N4BP2L1: variants seen among roughly 807,000 people sequenced by gnomAD.
The protein encoded by N4BP2L1 is NEDD4 binding protein 2 like 1, also known as NEDD4-binding protein 2-like 1.
N4BP2L1 carries 12 observed loss-of-function variants against 21.2 expected under a neutral mutation model. That is an observed-to-expected ratio of 0.57 (90% CI 0.36 to 0.92). The LOEUF (loss-of-function observed/expected upper bound fraction) is 0.92, where lower values mean the gene tolerates loss of function less well. Ranked by LOEUF, N4BP2L1 falls within the 40% of genes least tolerant of loss-of-function variation. N4BP2L1 has a pLI of 0.01. For synonymous variants in N4BP2L1, 104 were observed against 112.8 expected (o/e 0.92, Z 0.49); for missense variants, 259 against 310.6 (o/e 0.83, Z 1.25).
Position 32,407,777 on chromosome 13 carries a change from A to G in N4BP2L1, c.180-5T>C. The stretch of plus-strand genomic sequence containing the variant: ...GGAAAGTCATGCTGCAATTGTCTGG[A>G]AAGTGGAGAAATGAGAGAGAGAGAT... On this transcript the variant is annotated splice_region_variant and splice_polypyrimidine_tract_variant and intron_variant, in intron 1 of 4. Coordinates refer to ENST00000380130, the MANE Select transcript of N4BP2L1 (RefSeq NM_052818.3). 6.3e-7 allele frequency: 1 copy of G among 1,576,936 alleles called. No individual in the cohort carries two copies. Among genetic ancestry groups the G allele is most frequent in the Non-Finnish European group, 8.6e-7 (1 of 1,165,504 alleles).
chr13:32,412,124 C>T (rs903366928), intron 1 of N4BP2L1, among the ~76,000 whole-genome samples: 1 of 151,932 alleles, frequency 6.6e-6, no homozygotes, highest in Non-Finnish European at 1.5e-5. Flanking sequence ...TCCCTTAAGT[C>T]TCATTTATCC....
intron 1 of N4BP2L1, among the ~76,000 whole-genome samples, chr13:32,427,289 C>T (rs762063826): frequency 2.0e-5 from 3 of 152,210 alleles, no homozygotes; most frequent in Non-Finnish European, 4.4e-5. Flanking sequence ...GCAGGCTCCC[C>T]GACTTCGCCA....
chr13:32,418,353 G>A (rs973940303), intron 1 of N4BP2L1, among the ~76,000 whole-genome samples: 3 of 152,216 alleles, frequency 2.0e-5, no homozygotes, highest in Non-Finnish European at 2.9e-5. Flanking sequence ...TGGGCCTGTG[G>A]GTGCACAGAA....
chr13:32,404,428 A>G (rs774777506), intron 3 of N4BP2L1, 31 bp from the exon 4 acceptor site: 2 of 1,476,766 alleles, frequency 1.4e-6, no homozygotes, highest in South Asian at 2.3e-5. Flanking sequence ...AAAACATTGA[A>G]GACATAGTAT....
intron 4 of N4BP2L1, chr13:32,403,784 C>A (rs755712577): frequency 1.9e-6 from 1 of 532,928 alleles, no homozygotes; most frequent in Admixed American, 2.0e-5. Flanking sequence ...GAGGAACCAG[C>A]CTTACTCCTA....
intron 1 of N4BP2L1, among the ~76,000 whole-genome samples, chr13:32,427,592 C>T (rs2074855989): frequency 6.6e-6 from 1 of 152,146 alleles, no homozygotes; most frequent in African/African-American, 2.4e-5. Flanking sequence ...CTGGGGCTTG[C>T]GCGAGGCGCA....
chr13:32,406,030 G>A (rs1483333357), intron 3 of N4BP2L1, among the ~76,000 whole-genome samples: 2 of 149,640 alleles, frequency 1.3e-5, no homozygotes, highest in Non-Finnish European at 3.0e-5. Context: ...AGACTCCCCA[G>A]TAGCTGGGAC....
intron 3 of N4BP2L1, 77 bp from the exon 4 acceptor site, chr13:32,404,474 T>G: frequency 1.0e-6 from 1 of 990,576 alleles, no homozygotes; most frequent in Non-Finnish European, 1.5e-6. Flanking sequence ...CATTTAACAT[T>G]TACTACAAAT....
intron 1 of N4BP2L1, among the ~76,000 whole-genome samples, chr13:32,408,340 T>G (rs553698386): frequency 2.0e-5 from 3 of 152,246 alleles, no homozygotes; most frequent in Admixed American, 2.0e-4. Context: ...CATATTTATG[T>G]TTTAATGATG....
At chr13:32,412,641 C>CAAA (rs777196869) in intron 1 of N4BP2L1, among the ~76,000 whole-genome samples, 2 of 101,036 alleles carry the variant, frequency 2.0e-5, no homozygotes, top group African/African-American at 3.9e-5. Flanking sequence ...TCAACTGTCT[C>CAAA]AAAAAAAAAA....
chr13:32,419,701 C>T (rs1222283459), intron 1 of N4BP2L1, among the ~76,000 whole-genome samples: 1 of 152,098 alleles, frequency 6.6e-6, no homozygotes, highest in African/African-American at 2.4e-5. Context: ...CCTCCCCGGC[C>T]ATGCTGAACT....
At chr13:32,411,322 GGAT>G (rs2073844023) in intron 1 of N4BP2L1, among the ~76,000 whole-genome samples, 1 of 93,376 alleles carries the variant, frequency 1.1e-5, no homozygotes, top group South Asian at 3.8e-4. Context: ...TTAAGGCCAA[GGAT>G]TTTTTTTTTT....
At chr13:32,412,078 C>T (rs1377435212) in intron 1 of N4BP2L1, among the ~76,000 whole-genome samples, 1 of 151,982 alleles carries the variant, frequency 6.6e-6, no homozygotes, top group African/African-American at 2.4e-5. Context: ...GCAACAGGGA[C>T]CAAACAAGAT....
intron 1 of N4BP2L1, among the ~76,000 whole-genome samples, chr13:32,420,117 C>T (rs539783009): frequency 2.5e-4 from 38 of 152,240 alleles, no homozygotes; most frequent in Non-Finnish European, 5.3e-4. Context: ...AGTTCCCAGT[C>T]TGCCCTACTT....
At chr13:32,412,244 G>A (rs1008663800) in intron 1 of N4BP2L1, among the ~76,000 whole-genome samples, 1 of 151,938 alleles carries the variant, frequency 6.6e-6, no homozygotes, top group African/African-American at 2.4e-5. Flanking sequence ...TATATTGAAC[G>A]CTGCTTACCC....
At chr13:32,429,507 T>G (rs1011465954), upstream of N4BP2L1, among the ~76,000 whole-genome samples, 1 of 152,248 alleles carries the variant, frequency 6.6e-6, no homozygotes, top group African/African-American at 2.4e-5. Flanking sequence ...ACATGCTACC[T>G]TTTTCATTTT....
Position 32,402,381 on chromosome 13 carries a change from G to T in N4BP2L1, c.*561C>A. The T allele has an allele frequency of 1.4e-6, 1 of 725,206 alleles. No homozygotes were observed. Among genetic ancestry groups the T allele is most frequent in the Non-Finnish European group, 1.7e-6 (1 of 592,762 alleles). The allele number at this position is 725,206 out of a possible 1,614,324, so 44.9% of individuals were successfully genotyped here. On this transcript the variant is annotated 3_prime_UTR_variant, in exon 5 of 5. Transcript: ENST00000380130. ...AATAACTTCCCAAAGTGTCTACTTTGAAGGACAATGTTCCCTTAGATGTAT... is the reference window on the plus strand; with the variant it reads ...AATAACTTCCCAAAGTGTCTACTTTTAAGGACAATGTTCCCTTAGATGTAT...
chr13:32,402,131 G>C lies in N4BP2L1; in HGVS notation c.*811C>G. 5 of 984,948 alleles carry C rather than the reference G, an allele frequency of 5.1e-6. No individual in the cohort carries two copies. The highest frequency in any genetic ancestry group is 4.8e-6 in the Non-Finnish European group (4 of 829,516). 61.0% of individuals were successfully genotyped at this position (984,948 alleles called of 1,614,324 possible). A position where few individuals can be genotyped will look rare whatever the true frequency, so the allele number is the denominator to read the frequency against. On this transcript the variant is annotated 3_prime_UTR_variant, in exon 5 of 5. Coordinates refer to ENST00000380130, the MANE Select transcript of N4BP2L1 (RefSeq NM_052818.3). ...ACACATGTTAATAGGCATAATTTTA[G>C]AAGTCGTTTATTCCTTTTAAAAGTT...
intron 1 of N4BP2L1, among the ~76,000 whole-genome samples, chr13:32,422,598 A>G (rs560041056): frequency 6.6e-6 from 1 of 152,236 alleles, no homozygotes; most frequent in African/African-American, 2.4e-5. Context: ...CATTGTTCCA[A>G]CAGCTCCAGG....
Sources: gnomAD v4.1 joint callset for allele counts (sites outside exome capture counted in the v4.1 genomes callset) on GRCh38, gnomAD v4.1.1 for gene constraint, MANE v1.5 for transcripts, NCBI Gene and HGNC (gene_info 2026-07-23, HGNC 2026-07-21) for gene names.